Variants in NIPBL observed in about 807,000 individuals in gnomAD.
The protein encoded by NIPBL is nipped-B-like protein.
A neutral mutation model predicts 321.8 loss-of-function variants in NIPBL; 19 were observed. The ratio of observed to expected loss-of-function variants is 0.06; its 90% CI spans 0.04 to 0.09. The LOEUF (loss-of-function observed/expected upper bound fraction) is 0.09, where lower values mean the gene tolerates loss of function less well. Among genes scored for constraint, NIPBL ranks in the 10% least tolerant of loss-of-function variants. The pLI, the probability that NIPBL is intolerant of heterozygous loss-of-function variation, is 1.00. For missense variants in NIPBL, 2,210 were observed against 3,327.0 expected (o/e 0.66, Z 8.26); for synonymous variants, 1,106 against 1,114.1 (o/e 0.99, Z 0.14).
In NIPBL at chr5:36,947,943, T is replaced by C. The variant is rs1580303768; in HGVS notation, c.-79-5675T>C. Among the ~76,000 whole-genome samples the C allele has an allele frequency of 3.3e-5, 5 of 152,086 alleles. 2 individuals carry two copies. The highest frequency in any genetic ancestry group is 3.3e-4 in the Admixed American group (5 of 15,254). ...GTTGATGAGCTTATGATGTGCACAC[T>C]GATATTTTCAGTTAGCAATATATCT... On this transcript the variant is annotated intron_variant, in intron 1 of 46. Transcript: ENST00000282516.
At chr5:36,928,948 T>A (rs1749566060) in intron 1 of NIPBL, among the ~76,000 whole-genome samples, 1 of 152,216 alleles carries the variant, frequency 6.6e-6, no homozygotes, top group African/African-American at 2.4e-5. Flanking sequence ...TTTACTTTTA[T>A]GAGTAATACT....
chr5:36,923,240 A>C (rs1749091337), intron 1 of NIPBL, among the ~76,000 whole-genome samples: 1 of 151,894 alleles, frequency 6.6e-6, no homozygotes, highest in Non-Finnish European at 1.5e-5. Flanking sequence ...CAGGAGGTGG[A>C]GGTTGCAGTG....
chr5:36,957,641 G>A (rs1741115757), intron 3 of NIPBL, among the ~76,000 whole-genome samples: 1 of 152,056 alleles, frequency 6.6e-6, no homozygotes, highest in East Asian at 1.9e-4. Flanking sequence ...ATCCCTCTCT[G>A]TTATTTTTGA....
chr5:36,920,107 G>A (rs139569076), intron 1 of NIPBL, among the ~76,000 whole-genome samples: 1 of 151,878 alleles, frequency 6.6e-6, no homozygotes, highest in Non-Finnish European at 1.5e-5. Flanking sequence ...GAATATCAGA[G>A]AAATATAACT....
chr5:37,048,946 GAC>G lies in NIPBL; in HGVS notation c.6764-142_6764-141del, dbSNP rs56972789. Reference sequence around the variant, plus strand: ...GGTTCTCAAAGGGGCCTCTGACACAGACACACACACACACACACACACACTCA... The same window carrying G: ...GGTTCTCAAAGGGGCCTCTGACACAGACACACACACACACACACACACTCA... On this transcript the variant is annotated intron_variant, in intron 39 of 46. Transcript: ENST00000282516. Among the ~76,000 whole-genome samples, 641 of 148,140 alleles carry G rather than the reference GAC, an allele frequency of 4.3e-3. No individual in the cohort carries two copies. Among genetic ancestry groups the G allele is most frequent in the African/African-American group, 9.8e-3 (400 of 40,706 alleles).
At chr5:37,048,934 G>A (rs1343733173) in intron 39 of NIPBL, among the ~76,000 whole-genome samples, 177 bp from the exon 40 acceptor site, 1 of 149,874 alleles carries the variant, frequency 6.7e-6, no homozygotes, top group Non-Finnish European at 1.5e-5. Context: ...TCTCAAAGGG[G>A]CCTCTGACAC....
At chr5:36,958,276 A>G in intron 4 of NIPBL, 45 bp downstream of exon 4, 1 of 1,598,120 alleles carries the variant, frequency 6.3e-7, no homozygotes, top group Non-Finnish European at 8.6e-7. Flanking sequence ...CTTGTTTTAT[A>G]CATATTTAAA....
intron 1 of NIPBL, among the ~76,000 whole-genome samples, chr5:36,938,327 A>C (rs1375616488): frequency 6.6e-6 from 1 of 151,614 alleles, no homozygotes; most frequent in Non-Finnish European, 1.5e-5. Flanking sequence ...GGAGGCACAC[A>C]CCACACACAC....
chr5:36,986,696 C>T (rs1371046545), intron 10 of NIPBL, among the ~76,000 whole-genome samples: 1 of 151,944 alleles, frequency 6.6e-6, no homozygotes, highest in East Asian at 1.9e-4. Context: ...TGTGTCTGAG[C>T]CAATTATTGA....
intron 1 of NIPBL, among the ~76,000 whole-genome samples, chr5:36,887,153 T>C (rs1202162307): frequency 1.3e-5 from 2 of 152,192 alleles, no homozygotes; most frequent in African/African-American, 4.8e-5. Context: ...TAATAGACAT[T>C]ATTATATGGC....
Position 37,020,911 on chromosome 5 carries a change from T to C in NIPBL, c.5328+34T>C, listed in dbSNP as rs181417130. On this transcript the variant is annotated intron_variant, in intron 27 of 46. Transcript: ENST00000282516. ...GATAAGAATTCCTTATACAGTGATA[T>C]TGATTTTTCTGATTCTGGATGCTTG... The C allele has an allele frequency of 1.2e-3, 1,663 of 1,383,550 alleles. 19 individuals carry two copies. The highest frequency in any genetic ancestry group is 8.4e-3 in the South Asian group (722 of 86,268). The allele number at this position is 1,383,550 out of a possible 1,614,324, so 85.7% of individuals were successfully genotyped here. A position where few individuals can be genotyped will look rare whatever the true frequency, so the allele number is the denominator to read the frequency against.
intron 34 of NIPBL, among the ~76,000 whole-genome samples, chr5:37,043,835 G>A (rs533010126): frequency 3.9e-5 from 6 of 152,320 alleles, no homozygotes; most frequent in South Asian, 2.1e-4. Context: ...ATTGTTCTGT[G>A]CATTGCAGGT....
intron 1 of NIPBL, among the ~76,000 whole-genome samples, chr5:36,923,110 A>G (rs1237528058): frequency 6.6e-6 from 1 of 152,128 alleles, no homozygotes; most frequent in Non-Finnish European, 1.5e-5. Flanking sequence ...AACATACAAA[A>G]TTACAAAATT....
In NIPBL at chr5:36,952,068, G is replaced by GCGCA. The variant is rs1740426466; in HGVS notation, c.-79-1547_-79-1546insACGC. 3.6e-5 allele frequency among the ~76,000 whole-genome samples: 5 copies of GCGCA among 140,196 alleles called. No individual in the cohort carries two copies. In the South Asian group the frequency reaches 1.1e-3, roughly 31 times the overall value. 92.0% of individuals were successfully genotyped at this position (140,196 alleles called of 152,430 possible). On this transcript the variant is annotated intron_variant, in intron 1 of 46. Transcript: ENST00000282516. The stretch of plus-strand genomic sequence containing the variant: ...TGTGTGTGTGTGCGCGCGCGCGCGC[G>GCGCA]CGCGCATGTGTGTGTGTAGCAGTTT...
At chr5:37,057,858 G>C (rs561817412) in intron 43 of NIPBL, among the ~76,000 whole-genome samples, 1 of 152,182 alleles carries the variant, frequency 6.6e-6, no homozygotes, top group Non-Finnish European at 1.5e-5. Flanking sequence ...TAGGAGGAAT[G>C]TAATTTATTT....
Position 36,975,897 on chromosome 5 carries a change from A to C in NIPBL, c.990A>C (p.Lys330Asn). 2 of 1,612,216 alleles carry C rather than the reference A, an allele frequency of 1.2e-6. No homozygotes were observed. Among genetic ancestry groups the C allele is most frequent in the Non-Finnish European group, 1.7e-6 (2 of 1,179,162 alleles). The change falls in exon 9 of 47, where the codon AAA (lysine) becomes AAC (asparagine). Residue 330 changes from lysine to asparagine, a missense_variant. Lys to Asn is a moderately conservative substitution (Grantham distance 94). Around this residue, in one of 14 missense-constraint regions of NIPBL, gnomAD observed 464 missense variants for 529.5 expected, o/e 0.88. Transcript: ENST00000282516. ...AACAAAAGAAGCAGAAGAAAATGAA[A>C]TTAGGCAAGGATGAAAAAGAGCAGA... ...ERKQKKQKKM[K>N]LGKDEKEQSE...
chr5:36,902,725 G>T (rs1036211887), intron 1 of NIPBL, among the ~76,000 whole-genome samples: 1 of 151,974 alleles, frequency 6.6e-6, no homozygotes, highest in Non-Finnish European at 1.5e-5. Flanking sequence ...TGGCTATTCG[G>T]GCTCTTTTTT....
At chr5:36,897,890 A>G (rs1165476257) in intron 1 of NIPBL, among the ~76,000 whole-genome samples, 33 of 141,556 alleles carry the variant, frequency 2.3e-4, no homozygotes, top group African/African-American at 8.5e-4. Context: ...CATACAGGGA[A>G]AAAAAAAAAA....
At chr5:36,960,369 AAG>A (rs1431569650) in intron 4 of NIPBL, among the ~76,000 whole-genome samples, 1 of 151,694 alleles carries the variant, frequency 6.6e-6, no homozygotes, top group Non-Finnish European at 1.5e-5. Flanking sequence ...CCAAAAGAAA[AAG>A]AAAAAAAAAA....
Sources: gnomAD v4.1 joint callset for allele counts (sites outside exome capture counted in the v4.1 genomes callset) on GRCh38, gnomAD v4.1.1 for gene constraint, gnomAD v4.1.1 regional missense constraint, MANE v1.5 for transcripts, NCBI Gene and HGNC (gene_info 2026-07-23, HGNC 2026-07-21) for gene names.